Variants in PRKAG2 observed in about 807,000 individuals in gnomAD.
PRKAG2 encodes the protein protein kinase AMP-activated non-catalytic subunit gamma 2.
Under a neutral mutation model 69.6 loss-of-function variants are expected in PRKAG2, and 26 were observed. That is an observed-to-expected ratio of 0.37 (90% CI 0.27 to 0.52). The LOEUF (loss-of-function observed/expected upper bound fraction) is 0.52. Ranked by LOEUF, PRKAG2 falls within the 20% of genes least tolerant of loss-of-function variation. The pLI is 0.90. For synonymous variants in PRKAG2, 293 were observed against 285.0 expected (o/e 1.03, Z -0.28); for missense variants, 557 against 740.0 (o/e 0.75, Z 2.87).
chr7:151,610,193 G>A (rs760229673), intron 5 of PRKAG2, among the ~76,000 whole-genome samples: 58 of 152,100 alleles, frequency 3.8e-4, no homozygotes, highest in East Asian at 5.8e-4. Flanking sequence ...GTGAAACCCC[G>A]TCTCTACTAA....
At chr7:151,717,430 G>A (rs1796361807) in intron 3 of PRKAG2, among the ~76,000 whole-genome samples, 3 of 152,176 alleles carry the variant, frequency 2.0e-5, no homozygotes, top group African/African-American at 7.2e-5. Flanking sequence ...AGGGAGGCAA[G>A]AATAATATTT....
intron 3 of PRKAG2, among the ~76,000 whole-genome samples, chr7:151,755,031 T>C (rs2074985258): frequency 6.6e-6 from 1 of 152,062 alleles, no homozygotes; most frequent in Non-Finnish European, 1.5e-5. Flanking sequence ...AAAGGGGCGA[T>C]GGAGACCCCG....
intron 3 of PRKAG2, among the ~76,000 whole-genome samples, chr7:151,755,093 T>G (rs149406504): frequency 6.6e-6 from 1 of 152,286 alleles, no homozygotes; most frequent in Non-Finnish European, 1.5e-5. Flanking sequence ...AGAGCTGTCC[T>G]GAGCGGGGGT....
At chr7:151,764,394 T>C (rs988186541) in intron 3 of PRKAG2, among the ~76,000 whole-genome samples, 3 of 152,186 alleles carry the variant, frequency 2.0e-5, no homozygotes, top group African/African-American at 7.2e-5. Context: ...CCTTGGATGC[T>C]TTTTCATTTT....
At chr7:151,817,517 C>T (rs2078674071) in intron 1 of PRKAG2, among the ~76,000 whole-genome samples, 1 of 152,152 alleles carries the variant, frequency 6.6e-6, no homozygotes, top group African/African-American at 2.4e-5. Context: ...CCTTCCACAC[C>T]CCCAGGCTTC....
chr7:151,703,852 ACACACACACACACACACACACACAC>A (rs2151578389), intron 3 of PRKAG2, among the ~76,000 whole-genome samples: 1 of 42,650 alleles, frequency 2.3e-5, no homozygotes, highest in Admixed American at 2.8e-4. Flanking sequence ...GAAAACACAC[ACACACACACACACACACACACACAC>A]ACACACACAC....
intron 6 of PRKAG2, among the ~76,000 whole-genome samples, chr7:151,584,288 A>G (rs1361451527): frequency 6.6e-6 from 1 of 152,194 alleles, no homozygotes; most frequent in Non-Finnish European, 1.5e-5. Context: ...CCAATGAAAA[A>G]GATGGCTGGC....
chr7:151,714,531 C>T (rs79685042), intron 3 of PRKAG2, among the ~76,000 whole-genome samples: 7,438 of 152,188 alleles, frequency 0.049, 320 homozygotes, highest in East Asian at 0.12. Flanking sequence ...TCCCTGGTGG[C>T]CTTGCCCTTC....
chr7:151,854,387 G>A (rs1411964006), intron 1 of PRKAG2, among the ~76,000 whole-genome samples: 2 of 152,230 alleles, frequency 1.3e-5, no homozygotes, highest in East Asian at 3.9e-4. Flanking sequence ...GGATGCTTGT[G>A]GGGCCTGAGG....
chr7:151,565,891 C>A lies in PRKAG2; in HGVS notation c.1234-6G>T, dbSNP rs780341115. On this transcript the variant is annotated splice_polypyrimidine_tract_variant and splice_region_variant and intron_variant, in intron 11 of 15. Coordinates refer to ENST00000287878, the MANE Select transcript of PRKAG2 (RefSeq NM_016203.4). ...GGCTTTGGCATATCAGACATCTAAA[C>A]GGAAGATAAACGCAAACGTTCTAGA... 7 of 1,612,280 alleles carry A rather than the reference C, an allele frequency of 4.3e-6. No individual in the cohort carries two copies. Among genetic ancestry groups the A allele is most frequent in the Non-Finnish European group, 5.9e-6 (7 of 1,178,466 alleles).
intron 3 of PRKAG2, among the ~76,000 whole-genome samples, chr7:151,757,616 T>C (rs1448024660): frequency 6.6e-6 from 1 of 152,148 alleles, no homozygotes; most frequent in Non-Finnish European, 1.5e-5. Context: ...CCATTCCACA[T>C]CTCTGGCAGA....
intron 5 of PRKAG2, among the ~76,000 whole-genome samples, chr7:151,631,057 T>G (rs1403939023): frequency 3.3e-5 from 5 of 152,246 alleles, no homozygotes; most frequent in Admixed American, 3.3e-4. Context: ...CAGGCTTATT[T>G]AAGTAATTGC....
chr7:151,592,555 A>G (rs969794196), intron 6 of PRKAG2, among the ~76,000 whole-genome samples: 1 of 151,762 alleles, frequency 6.6e-6, no homozygotes, highest in African/African-American at 2.4e-5. Flanking sequence ...GTCTGCGCAC[A>G]CTCTTTCAGC....
chr7:151,823,023 GACCCCACCCC>G (rs534696542), intron 1 of PRKAG2, among the ~76,000 whole-genome samples: 11 of 140,826 alleles, frequency 7.8e-5, no homozygotes, highest in African/African-American at 2.9e-4. Context: ...CTGGTTTTCA[GACCCCACCCC>G]ACCCCACCCC....
intron 3 of PRKAG2, among the ~76,000 whole-genome samples, chr7:151,753,593 GTTTT>G (rs752536559): frequency 6.6e-6 from 1 of 152,030 alleles, no homozygotes; most frequent in Non-Finnish European, 1.5e-5. Flanking sequence ...TTTAATAATT[GTTTT>G]TTTAGAGACA....
chr7:151,705,977 C>T (rs1303054712), intron 3 of PRKAG2, among the ~76,000 whole-genome samples: 3 of 152,166 alleles, frequency 2.0e-5, no homozygotes, highest in African/African-American at 7.2e-5. Flanking sequence ...AACTTCAAGC[C>T]AGGAGCCTGG....
At chr7:151,834,057 C>T (rs2079095237) in intron 1 of PRKAG2, among the ~76,000 whole-genome samples, 1 of 145,170 alleles carries the variant, frequency 6.9e-6, no homozygotes, top group Non-Finnish European at 1.6e-5. Context: ...CTGCCAGTTT[C>T]TGGAGGAAAA....
intron 3 of PRKAG2, among the ~76,000 whole-genome samples, chr7:151,755,477 G>A (rs2075023868): frequency 6.6e-6 from 1 of 152,104 alleles, no homozygotes; most frequent in Non-Finnish European, 1.5e-5. Flanking sequence ...GCCATGTGTG[G>A]TGGGGCTTGG....
At chr7:151,626,628 T>A (rs1822993728) in intron 5 of PRKAG2, among the ~76,000 whole-genome samples, 1 of 151,930 alleles carries the variant, frequency 6.6e-6, no homozygotes, top group African/African-American at 2.4e-5. Context: ...CAGAGGTCAG[T>A]GCCCCGCAGT....
Sources: gnomAD v4.1 joint callset for allele counts (sites outside exome capture counted in the v4.1 genomes callset) on GRCh38, gnomAD v4.1.1 for gene constraint, MANE v1.5 for transcripts, NCBI Gene and HGNC (gene_info 2026-07-23, HGNC 2026-07-21) for gene names.